FCF1: variants seen among roughly 807,000 people sequenced by gnomAD.
The protein encoded by FCF1 is FCF1 rRNA-processing protein.
A neutral mutation model predicts 32.5 loss-of-function variants in FCF1; 17 were observed. The observed-to-expected ratio is 0.52, with a 90% CI of 0.36 to 0.78. The LOEUF (loss-of-function observed/expected upper bound fraction) is 0.78, where lower values mean the gene tolerates loss of function less well. Ranked by LOEUF, FCF1 falls within the 30% of genes least tolerant of loss-of-function variation. The pLI is 0.00. For missense variants in FCF1, 201 were observed against 241.1 expected (o/e 0.83, Z 1.10); for synonymous variants, 84 against 78.4 (o/e 1.07, Z -0.38).
Position 74,723,276 on chromosome 14 carries a change from C to T in FCF1, c.297C>T (p.Ile99=). ...GTGAATTTTTTTCCCTGGCAGGTATCCCATGTATAACCGATTGTGTAATGG... is the reference window on the plus strand; with the variant it reads ...GTGAATTTTTTTCCCTGGCAGGTATTCCATGTATAACCGATTGTGTAATGG... The part of the protein sequence containing the change: ...SMMDCLYAKC[I]PCITDCVMAE... The change falls in exon 5 of 8, where the codon ATC becomes ATT. Residue 99 remains isoleucine, a synonymous_variant. Coordinates refer to ENST00000341162, the MANE Select transcript of FCF1 (RefSeq NM_015962.5). The T allele has an allele frequency of 6.2e-7, 1 of 1,612,146 alleles. No homozygotes were observed. Among genetic ancestry groups the T allele is most frequent in the Non-Finnish European group, 8.5e-7 (1 of 1,178,570 alleles).
At chr14:74,713,460 T>C (rs774952092) in intron 1 of FCF1, 25 bp from the exon 2 acceptor site, 18 of 1,611,042 alleles carry the variant, frequency 1.1e-5, no homozygotes, top group Non-Finnish European at 1.5e-5. Context: ...TCCAACTTTT[T>C]TAATTCTAAA....
rs1404443981 is a variant in FCF1, at chr14:74,738,069, G to T, written c.*3139G>T. The T allele has an allele frequency of 6.6e-6, 1 of 150,632 alleles. No individual in the cohort carries two copies. The highest frequency in any genetic ancestry group is 1.5e-5 in the Non-Finnish European group (1 of 67,762). The allele number at this position is 150,632 out of a possible 1,614,324, so 9.3% of individuals were successfully genotyped here. A position where few individuals can be genotyped will look rare whatever the true frequency, so the allele number is the denominator to read the frequency against. ...ATGATTCATAAAAATATTTCAAGTG[G>T]ATCAAAGACCTAAATTTTTTTTTTT... On this transcript the variant is annotated 3_prime_UTR_variant, in exon 8 of 8. Coordinates refer to ENST00000341162, the MANE Select transcript of FCF1 (RefSeq NM_015962.5).
intron 2 of FCF1, 73 bp from the exon 3 acceptor site, chr14:74,714,799 C>G (rs2140016984): frequency 6.9e-7 from 1 of 1,448,264 alleles, no homozygotes; most frequent in South Asian, 1.4e-5. Flanking sequence ...AAAAATGGAA[C>G]TTTAGATTTT....
At position 74,714,890 on chromosome 14, in the gene FCF1, A is replaced by G. The variant is rs1199934774; in HGVS notation, c.90A>G (p.Leu30=). ...TTCCTAGTAAAGAAAAGGATAGATTAAAACCTAAAAAGAAAGAAAAGAAGG... is the reference window on the plus strand; with the variant it reads ...TTCCTAGTAAAGAAAAGGATAGATTGAAACCTAAAAAGAAAGAAAAGAAGG... ...RDQRLKEKDR[L]KPKKKEKKDP... is the part of the protein sequence containing the mutation. The change falls in exon 3 of 8, where the codon TTA becomes TTG. Residue 30 remains leucine, a synonymous_variant. Coordinates refer to ENST00000341162, the MANE Select transcript of FCF1 (RefSeq NM_015962.5). 1 of 1,590,750 alleles carries G rather than the reference A, an allele frequency of 6.3e-7. No individual in the cohort carries two copies. The highest frequency in any genetic ancestry group is 1.8e-5 in the Admixed American group (1 of 55,072).
At chr14:74,734,682 G>A (rs1228279736) in intron 7 of FCF1, among the ~76,000 whole-genome samples, 200 bp from the exon 8 acceptor site, 1 of 152,162 alleles carries the variant, frequency 6.6e-6, no homozygotes, top group African/African-American at 2.4e-5. Context: ...TGCTGACTTT[G>A]TGACTTTGAA....
chr14:74,720,968 T>C (rs2090493877), intron 4 of FCF1, among the ~76,000 whole-genome samples: 1 of 147,342 alleles, frequency 6.8e-6, no homozygotes, highest in African/African-American at 2.5e-5. Flanking sequence ...AGCCTCTGCC[T>C]CCCGGGTTCA....
At position 74,732,604 on chromosome 14, in the gene FCF1, A is replaced by G; in HGVS notation, c.366-127A>G. 10 of 654,648 alleles carry G rather than the reference A, an allele frequency of 1.5e-5. No homozygotes were observed. The South Asian group carries it at 1.9e-4, about 12-fold the overall frequency. The allele number at this position is 654,648 out of a possible 1,614,324, so 40.6% of individuals were successfully genotyped here. A position where few individuals can be genotyped will look rare whatever the true frequency, so the allele number is the denominator to read the frequency against. On this transcript the variant is annotated intron_variant, in intron 5 of 7. Coordinates refer to ENST00000341162, the MANE Select transcript of FCF1 (RefSeq NM_015962.5). Reference sequence around the variant, plus strand: ...TGCCCCGTGAATTGTCTTTCCAGTTAGAGGATAAAGTTCAGGAGGAGAACA... The same window carrying G: ...TGCCCCGTGAATTGTCTTTCCAGTTGGAGGATAAAGTTCAGGAGGAGAACA...
At chr14:74,715,052 C>A in intron 3 of FCF1, 109 bp downstream of exon 3, 2 of 1,118,756 alleles carry the variant, frequency 1.8e-6, no homozygotes, top group Non-Finnish European at 2.5e-6. Flanking sequence ...TCTAGCACAA[C>A]TATGTAGATG....
chr14:74,713,395 G>C, intron 1 of FCF1, 90 bp from the exon 2 acceptor site: 1 of 1,538,236 alleles, frequency 6.5e-7, no homozygotes, highest in Non-Finnish European at 8.9e-7. Context: ...TTTGAGGCAA[G>C]AAGGGAAGGC....
At chr14:74,717,658 G>C (rs1313086447) in intron 4 of FCF1, among the ~76,000 whole-genome samples, 1 of 152,186 alleles carries the variant, frequency 6.6e-6, no homozygotes, top group African/African-American at 2.4e-5. Flanking sequence ...CACTAAACTT[G>C]GTAGTCTCTT....
rs923116746 is a variant in FCF1 at position 74,713,752 on chromosome 14, C to T, written c.71+200C>T. On this transcript the variant is annotated intron_variant, in intron 2 of 7. Coordinates refer to ENST00000341162, the MANE Select transcript of FCF1 (RefSeq NM_015962.5). Reference sequence around the variant, plus strand: ...GAAAGGCGATGGGAATTAAACATTTCTTAAGTGTTCACTTTTTCTACCGTT... The same window carrying T: ...GAAAGGCGATGGGAATTAAACATTTTTTAAGTGTTCACTTTTTCTACCGTT... 3.6e-5 allele frequency: 22 copies of T among 603,460 alleles called. No individual in the cohort carries two copies. The Admixed American group carries it at 6.4e-4, about 18-fold the overall frequency. 37.4% of individuals were successfully genotyped at this position (603,460 alleles called of 1,614,324 possible). A position where few individuals can be genotyped will look rare whatever the true frequency, so the allele number is the denominator to read the frequency against.
intron 2 of FCF1, among the ~76,000 whole-genome samples, chr14:74,714,304 AAG>A (rs2090382485): frequency 6.6e-6 from 1 of 152,210 alleles, no homozygotes; most frequent in Non-Finnish European, 1.5e-5. Flanking sequence ...AAATACAAAA[AAG>A]AGTCTCAGAA....
At chr14:74,722,010 G>C (rs1410986251) in intron 4 of FCF1, among the ~76,000 whole-genome samples, 2 of 149,082 alleles carry the variant, frequency 1.3e-5, no homozygotes, top group East Asian at 3.9e-4. Flanking sequence ...TACAAACTTA[G>C]TATGAGAATA....
At chr14:74,717,638 T>G (rs1041189857) in intron 4 of FCF1, among the ~76,000 whole-genome samples, 1 of 152,178 alleles carries the variant, frequency 6.6e-6, no homozygotes, top group African/African-American at 2.4e-5. Flanking sequence ...TGACCCCATA[T>G]GGGGGAAGAC....
intron 3 of FCF1, chr14:74,715,609 GTGT>G (rs1252593034): frequency 2.2e-5 from 8 of 367,192 alleles, no homozygotes; most frequent in Admixed American, 1.7e-4. Flanking sequence ...AATGACAAAC[GTGT>G]TGTTGTATCA....
chr14:74,719,296 A>T (rs1308735751), intron 4 of FCF1, among the ~76,000 whole-genome samples: 5 of 140,460 alleles, frequency 3.6e-5, no homozygotes, highest in Admixed American at 2.8e-4. Flanking sequence ...CCCTGTCTTT[A>T]AAAAAAAAAA....
In FCF1 at chr14:74,735,107, G is replaced by A; in HGVS notation, c.*177G>A. On this transcript the variant is annotated 3_prime_UTR_variant, in exon 8 of 8. Transcript: ENST00000341162. ...ATTAACATCCAAAGGACTGAACCCT[G>A]AACAGAGTTAAGTTACCTTTTAAGC... 4.5e-6 allele frequency: 2 copies of A among 440,552 alleles called. No homozygotes were observed. The highest frequency in any genetic ancestry group is 8.4e-6 in the Non-Finnish European group (2 of 238,504). 27.3% of individuals were successfully genotyped at this position (440,552 alleles called of 1,614,324 possible). A position where few individuals can be genotyped will look rare whatever the true frequency, so the allele number is the denominator to read the frequency against.
chr14:74,713,164 G>A lies in FCF1; in HGVS notation c.-34G>A. 1 of 1,614,194 alleles carries A rather than the reference G, an allele frequency of 6.2e-7. No individual in the cohort carries two copies. Among genetic ancestry groups the A allele is most frequent in the Non-Finnish European group, 8.5e-7 (1 of 1,180,044 alleles). ...ATGACGTAGAAGTATTGCGCCGTTG[G>A]TGATTACGGAAGAACCAGGAGTTTG... On this transcript the variant is annotated 5_prime_UTR_variant, in exon 1 of 8. In the 5' UTR this introduces an upstream ATG that the reference lacks. Coordinates refer to ENST00000341162, the MANE Select transcript of FCF1 (RefSeq NM_015962.5).
chr14:74,730,787 G>A (rs1008681570), intron 5 of FCF1, among the ~76,000 whole-genome samples: 2 of 152,150 alleles, frequency 1.3e-5, no homozygotes, highest in Non-Finnish European at 2.9e-5. Flanking sequence ...ATCATCTGAG[G>A]TCGGGAGTTC....
Sources: allele counts gnomAD v4.1 joint callset (sites outside exome capture counted in the v4.1 genomes callset), GRCh38; gene constraint gnomAD v4.1.1; transcripts MANE v1.5; gene names NCBI Gene and HGNC (gene_info 2026-07-23, HGNC 2026-07-21).